The following THSD7A variants were observed in gnomAD, a reference collection of about 807,000 sequenced individuals.
THSD7A encodes thrombospondin type-1 domain-containing protein 7A.
THSD7A carries 96 observed loss-of-function variants against 231.3 expected under a neutral mutation model. That is an observed-to-expected ratio of 0.41 (90% CI 0.35 to 0.49). The LOEUF (loss-of-function observed/expected upper bound fraction) is 0.49, where lower values mean the gene tolerates loss of function less well. Ranked by LOEUF, THSD7A falls within the 20% of genes least tolerant of loss-of-function variation. THSD7A has a pLI of 0.05. For missense variants in THSD7A, 2,290 were observed against 2,070.2 expected, an observed-to-expected ratio of 1.11 and a Z score of -2.06; for synonymous variants, 940 against 743.3, an observed-to-expected ratio of 1.26 and a Z score of -4.30.
At chr7:11,532,258 C>G (rs1267970044) in intron 6 of THSD7A, among the ~76,000 whole-genome samples, 4 of 152,102 alleles carry the variant, frequency 2.6e-5, no homozygotes, top group Admixed American at 2.0e-4. Flanking sequence ...AAAGCCAACA[C>G]AGAAACTACC....
At chr7:11,439,513 T>C (rs1784736431) in intron 13 of THSD7A, among the ~76,000 whole-genome samples, 1 of 151,952 alleles carries the variant, frequency 6.6e-6, no homozygotes. Context: ...TGTTTGGGGG[T>C]GCCAAGTTGT....
intron 4 of THSD7A, among the ~76,000 whole-genome samples, chr7:11,589,885 C>T (rs1584038254): frequency 6.6e-6 from 1 of 152,028 alleles, no homozygotes; most frequent in African/African-American, 2.4e-5. Flanking sequence ...CTTCCTATAT[C>T]TGGTCCTGAA....
chr7:11,470,500 A>G (rs1490472624), intron 8 of THSD7A, among the ~76,000 whole-genome samples: 1 of 151,912 alleles, frequency 6.6e-6, no homozygotes, highest in Non-Finnish European at 1.5e-5. Context: ...TACATGCTCA[A>G]AACACAATAC....
chr7:11,611,589 T>C (rs1325671058), intron 2 of THSD7A, among the ~76,000 whole-genome samples: 1 of 151,880 alleles, frequency 6.6e-6, no homozygotes. Flanking sequence ...AACATCATTA[T>C]TTGTCCAGAA....
At chr7:11,395,522 CTT>C (rs1209808529) in intron 23 of THSD7A, among the ~76,000 whole-genome samples, 19 of 140,402 alleles carry the variant, frequency 1.4e-4, no homozygotes, top group East Asian at 4.2e-4. Flanking sequence ...AATATGCATT[CTT>C]TTTTTTTTTT....
chr7:11,688,665 G>A (rs1780139097), intron 1 of THSD7A, among the ~76,000 whole-genome samples: 1 of 151,802 alleles, frequency 6.6e-6, no homozygotes, highest in Non-Finnish European at 1.5e-5. Flanking sequence ...ATGAGCAAAT[G>A]TTCTGAATAG....
At chr7:11,820,376 C>T in intron 1 of THSD7A, 1 of 1,263,630 alleles carries the variant, frequency 7.9e-7, no homozygotes, top group Non-Finnish European at 1.1e-6. Context: ...CCACTCTTGT[C>T]GTCTTCAATC....
At chr7:11,719,179 C>T (rs1408503470) in intron 1 of THSD7A, among the ~76,000 whole-genome samples, 1 of 151,472 alleles carries the variant, frequency 6.6e-6, no homozygotes, top group Non-Finnish European at 1.5e-5. Context: ...TAGCAAATTT[C>T]TCTACTTCTT....
chr7:11,806,647 G>C (rs1784405691), intron 1 of THSD7A, among the ~76,000 whole-genome samples: 1 of 152,104 alleles, frequency 6.6e-6, no homozygotes, highest in Non-Finnish European at 1.5e-5. Flanking sequence ...TCAATGTTTT[G>C]TCCAGCAGTT....
At chr7:11,731,470 T>C (rs1335353987) in intron 1 of THSD7A, among the ~76,000 whole-genome samples, 1 of 151,668 alleles carries the variant, frequency 6.6e-6, no homozygotes, top group African/African-American at 2.4e-5. Context: ...ACTACTTCCA[T>C]AATGTCTCAG....
intron 24 of THSD7A, 28 bp downstream of exon 24, chr7:11,382,493 A>T (rs370129803): frequency 6.4e-7 from 1 of 1,566,132 alleles, no homozygotes; most frequent in East Asian, 2.2e-5. Context: ...GAAGATTTTC[A>T]AAGGACAAAG....
intron 2 of THSD7A, among the ~76,000 whole-genome samples, chr7:11,624,644 T>C (rs765785808): frequency 6.6e-6 from 1 of 152,172 alleles, no homozygotes; most frequent in Non-Finnish European, 1.5e-5. Context: ...TCAAAAACTT[T>C]AGTTGTTTTT....
At chr7:11,410,559 CAT>C (rs1170863080) in intron 19 of THSD7A, 3 of 152,170 alleles carry the variant, frequency 2.0e-5, no homozygotes, top group African/African-American at 7.2e-5. Flanking sequence ...ATTATTACAA[CAT>C]AAAGTGTAGC....
chr7:11,378,138 A>C (rs1013072362), intron 26 of THSD7A: 1 of 152,210 alleles, frequency 6.6e-6, no homozygotes, highest in African/African-American at 2.4e-5. Flanking sequence ...GAAAGTATTC[A>C]GACTTAATGC....
chr7:11,407,666 G>C (rs1003366103), intron 19 of THSD7A, among the ~76,000 whole-genome samples: 1 of 152,176 alleles, frequency 6.6e-6, no homozygotes, highest in Non-Finnish European at 1.5e-5. Context: ...TATTGTTTAA[G>C]TGTTTTCAAT....
At chr7:11,676,415 G>A (rs932136266) in intron 1 of THSD7A, among the ~76,000 whole-genome samples, 6 of 152,122 alleles carry the variant, frequency 3.9e-5, no homozygotes, top group African/African-American at 1.4e-4. Context: ...TGGCAAATGA[G>A]TTTGACTAAT....
chr7:11,552,894 C>A (rs1389930967), intron 4 of THSD7A, among the ~76,000 whole-genome samples: 1 of 152,186 alleles, frequency 6.6e-6, no homozygotes, highest in African/African-American at 2.4e-5. Context: ...GTAAATCAGA[C>A]ACCGCCTCCT....
intron 1 of THSD7A, among the ~76,000 whole-genome samples, chr7:11,724,768 C>G (rs994975162): frequency 1.3e-5 from 2 of 151,796 alleles, no homozygotes; most frequent in Non-Finnish European, 2.9e-5. Flanking sequence ...CCAGAATACA[C>G]AAATCAGTGC....
chr7:11,612,969 G>A (rs1013500620), intron 2 of THSD7A, among the ~76,000 whole-genome samples: 4 of 152,026 alleles, frequency 2.6e-5, no homozygotes, highest in African/African-American at 7.2e-5. Context: ...AACTCTCTTT[G>A]TCACAGTTTC....
Sources: allele counts gnomAD v4.1 joint callset (sites outside exome capture counted in the v4.1 genomes callset), GRCh38; gene constraint gnomAD v4.1.1; transcripts MANE v1.5; gene names NCBI Gene and HGNC (gene_info 2026-07-23, HGNC 2026-07-21).